PROM1: variants seen among roughly 807,000 people sequenced by gnomAD.
The protein encoded by PROM1 is prominin-1.
PROM1 carries 105 observed loss-of-function variants against 116.9 expected under a neutral mutation model. The observed-to-expected ratio is 0.90, with a 90% CI of 0.77 to 1.06. The LOEUF (loss-of-function observed/expected upper bound fraction) is 1.06, where lower values mean the gene tolerates loss of function less well. Ranked by LOEUF, PROM1 falls within the 50% of genes least tolerant of loss-of-function variation. The pLI, the probability that PROM1 is intolerant of heterozygous loss-of-function variation, is 0.00. For synonymous variants in PROM1, 393 were observed against 387.0 expected (o/e 1.02, Z -0.18); for missense variants, 1,122 against 1,045.2 (o/e 1.07, Z -1.01).
rs141630022 is a variant in PROM1, at chr4:15,970,558, G to GTATA, written c.*24+481_*24+484dup. On this transcript the variant is annotated intron_variant, in intron 27 of 27. Coordinates refer to ENST00000447510, the MANE Select transcript of PROM1 (RefSeq NM_006017.3). ...ACACCCACATACTCACTGTGTGTGT[G>GTATA]TATATATATATATAAATACACACAC... Among the ~76,000 whole-genome samples the GTATA allele has an allele frequency of 1.4e-4, 21 of 150,108 alleles. No homozygotes were observed. In the South Asian group the frequency reaches 2.3e-3, roughly 17 times the overall value.
chr4:16,000,590 C>G lies in PROM1; in HGVS notation c.1484G>C (p.Trp495Ser). Residue 495 changes from tryptophan to serine, a missense_variant, in exon 14 of 28, where the codon TGG (tryptophan) becomes TCG (serine). Trp to Ser is a radical substitution (Grantham distance 177, BLOSUM62 -3). Transcript: ENST00000447510. ...VGVGLSFLFC[W>S]ILMIIVVLTF... ...AAGAACCACAATGATCATCAATATC[C>G]AGCAAAAGAGGAAACTTAATCCAAC... is the stretch of plus-strand genomic sequence containing the variant. The G allele has an allele frequency of 6.4e-7, 1 of 1,573,892 alleles. No individual in the cohort carries two copies. The highest frequency in any genetic ancestry group is 8.7e-7 in the Non-Finnish European group (1 of 1,152,868).
Position 16,016,158 on chromosome 4 carries a change from A to C in PROM1, c.1077+8T>G, listed in dbSNP as rs758678900. 38 of 1,550,580 alleles carry C rather than the reference A, an allele frequency of 2.5e-5. No individual in the cohort carries two copies. Among genetic ancestry groups the C allele is most frequent in the Non-Finnish European group, 3.1e-5 (36 of 1,145,754 alleles). On this transcript the variant is annotated splice_region_variant and intron_variant, in intron 10 of 27. Transcript: ENST00000447510. ...AAATCAGTGATTGTATTTTTTCCAA[A>C]AGCATACCTGTTGGACCAGGCCATC...
At chr4:15,999,009 C>T (rs936581620) in intron 14 of PROM1, among the ~76,000 whole-genome samples, 1 of 151,374 alleles carries the variant, frequency 6.6e-6, no homozygotes, top group Non-Finnish European at 1.5e-5. Context: ...GGATTACAGG[C>T]GTGAGCCACC....
chr4:16,018,197 T>C (rs916202252), intron 9 of PROM1, 126 bp downstream of exon 9: 1 of 837,394 alleles, frequency 1.2e-6, no homozygotes. Context: ...AGAAGGCTGA[T>C]AGAGGCCAGG....
chr4:15,986,862 T>C (rs1162835248), intron 20 of PROM1, among the ~76,000 whole-genome samples: 8 of 152,228 alleles, frequency 5.3e-5, no homozygotes, highest in Non-Finnish European at 8.8e-5. Context: ...GTGGGGCTGA[T>C]ACCCAAAACC....
intron 23 of PROM1, 70 bp from the exon 24 acceptor site, chr4:15,980,607 T>G (rs7668131): frequency 1.5e-4 from 1 of 6,712 alleles, no homozygotes; most frequent in East Asian, 9.1e-3. Flanking sequence ...GTTTGGGGGA[T>G]TTTTTTTTTT....
chr4:16,050,466 G>A (rs755099341), intron 2 of PROM1, among the ~76,000 whole-genome samples: 56 of 152,102 alleles, frequency 3.7e-4, no homozygotes, highest in Non-Finnish European at 7.6e-4. Flanking sequence ...TGACTCTCCC[G>A]CCTCAGCCTC....
At chr4:16,044,949 G>A (rs1401316241) in intron 2 of PROM1, among the ~76,000 whole-genome samples, 2 of 152,140 alleles carry the variant, frequency 1.3e-5, no homozygotes, top group Admixed American at 6.5e-5. Context: ...GGCTATGGAA[G>A]ATTGAGAGGC....
intron 9 of PROM1, among the ~76,000 whole-genome samples, chr4:16,016,870 C>T (rs1391080137): frequency 1.3e-5 from 2 of 152,148 alleles, no homozygotes; most frequent in Admixed American, 6.6e-5. Context: ...TACTTAGAAA[C>T]TGTTCCAGAT....
chr4:16,066,372 T>C (rs1741534786), intron 2 of PROM1, among the ~76,000 whole-genome samples: 1 of 152,172 alleles, frequency 6.6e-6, no homozygotes, highest in African/African-American at 2.4e-5. Flanking sequence ...AAATATAATT[T>C]ACCTAAACAA....
chr4:16,035,027 G>T (rs1004665748), intron 4 of PROM1, among the ~76,000 whole-genome samples: 1 of 152,174 alleles, frequency 6.6e-6, no homozygotes, highest in Non-Finnish European at 1.5e-5. Flanking sequence ...TCTGGCACTT[G>T]AATATTATCT....
In PROM1 at chr4:15,992,285, C is replaced by T. The variant is rs2149122864; in HGVS notation, c.1874G>A (p.Gly625Glu). The T allele has an allele frequency of 1.2e-6, 2 of 1,613,972 alleles. No individual in the cohort carries two copies. The highest frequency in any genetic ancestry group is 2.2e-5 in the East Asian group (1 of 44,884). Residue 625 changes from glycine to glutamate, a missense_variant, in exon 17 of 28, where the codon GGA becomes GAA. Gly to Glu is a moderately conservative substitution (Grantham distance 98, BLOSUM62 -2). Coordinates refer to ENST00000447510, the MANE Select transcript of PROM1 (RefSeq NM_006017.3). ...RKNLQDFAACGIDRMNYDSYL... is the reference protein window; with the variant it reads ...RKNLQDFAACEIDRMNYDSYL... ...GCTGTCATAATTCATTCTGTCTATT[C>T]CACAAGCAGCAAAATCCTGAAGGTT...
chr4:15,987,563 T>A, intron 20 of PROM1, 100 bp downstream of exon 20: 1 of 1,261,358 alleles, frequency 7.9e-7, no homozygotes, highest in South Asian at 1.3e-5. Flanking sequence ...TGAGGCTTTT[T>A]TTTTCAACTT....
At chr4:16,006,813 C>A in intron 12 of PROM1, 123 bp from the exon 13 acceptor site, 1 of 970,972 alleles carries the variant, frequency 1.0e-6, no homozygotes, top group Non-Finnish European at 1.5e-6. Context: ...AGTCTTCTAT[C>A]AATTCCTCAG....
Position 16,024,992 on chromosome 4 carries a change from A to T in PROM1, c.630+200T>A, listed in dbSNP as rs1186192635. Among the ~76,000 whole-genome samples, 9 of 152,340 alleles carry T rather than the reference A, an allele frequency of 5.9e-5. No homozygotes were observed. In the East Asian group the frequency reaches 1.7e-3, roughly 29 times the overall value. ...TATATCTCAATAAAATAAAAACACC[A>T]ATTCTGAAATTCGGCTTTTGTACTC... is the stretch of plus-strand genomic sequence containing the variant. On this transcript the variant is annotated intron_variant, in intron 6 of 27. Coordinates refer to ENST00000447510, the MANE Select transcript of PROM1 (RefSeq NM_006017.3).
At chr4:16,055,575 C>G (rs1287005782) in intron 2 of PROM1, 4 of 337,150 alleles carry the variant, frequency 1.2e-5, no homozygotes, top group Non-Finnish European at 2.4e-5. Flanking sequence ...AAAGGGTTTT[C>G]GTCTGAAGAG....
At chr4:16,083,850 CT>C (rs1340863358) in intron 1 of PROM1, 127 bp downstream of exon 1, 2 of 152,228 alleles carry the variant, frequency 1.3e-5, no homozygotes, top group African/African-American at 4.8e-5. Flanking sequence ...CGGCCGGACC[CT>C]CGGACGTGGC....
intron 11 of PROM1, among the ~76,000 whole-genome samples, chr4:16,012,469 A>C (rs1280263757): frequency 6.6e-6 from 1 of 152,202 alleles, no homozygotes; most frequent in African/African-American, 2.4e-5. Flanking sequence ...TCTCTCCAAA[A>C]TTGTAAGCAA....
At chr4:15,979,106 T>C (rs758501937) in intron 26 of PROM1, among the ~76,000 whole-genome samples, 10 of 152,222 alleles carry the variant, frequency 6.6e-5, no homozygotes, top group Non-Finnish European at 1.2e-4. Flanking sequence ...AAATTCTAAA[T>C]GCAAGGTATG....
Sources: gnomAD v4.1 joint callset for allele counts (sites outside exome capture counted in the v4.1 genomes callset) on GRCh38, gnomAD v4.1.1 for gene constraint, MANE v1.5 for transcripts, NCBI Gene and HGNC (gene_info 2026-07-23, HGNC 2026-07-21) for gene names.